TRAK1: variants seen among roughly 807,000 people sequenced by gnomAD.
TRAK1 encodes the protein trafficking kinesin protein 1.
A neutral mutation model predicts 92.1 loss-of-function variants in TRAK1; 33 were observed. That is an observed-to-expected ratio of 0.36 (90% CI 0.27 to 0.48). TRAK1 has a LOEUF of 0.48. Among genes scored for constraint, TRAK1 ranks in the 20% least tolerant of loss-of-function variants. The pLI, the probability that TRAK1 is intolerant of heterozygous loss-of-function variation, is 0.99. For missense variants in TRAK1, 1,123 were observed against 1,257.9 expected (o/e 0.89, Z 1.62); for synonymous variants, 521 against 517.3 (o/e 1.01, Z -0.10).
chr3:42,095,704 T>C (rs1395768150), intron 1 of TRAK1, among the ~76,000 whole-genome samples: 2 of 144,100 alleles, frequency 1.4e-5, no homozygotes, highest in Admixed American at 1.5e-4. Flanking sequence ...ATCCCATTGT[T>C]TGGCTTTATC....
chr3:42,182,493 A>G (rs958059029), intron 3 of TRAK1, among the ~76,000 whole-genome samples: 15 of 151,670 alleles, frequency 9.9e-5, no homozygotes, highest in African/African-American at 3.6e-4. Flanking sequence ...GGGTTTTGCC[A>G]TGTTGGCCAG....
intron 2 of TRAK1, among the ~76,000 whole-genome samples, chr3:42,142,658 T>C (rs1698821964): frequency 2.0e-5 from 3 of 152,220 alleles, no homozygotes; most frequent in South Asian, 2.1e-4. Context: ...GAAACAGCAG[T>C]CATACACATC....
At chr3:42,209,044 G>A (rs1000459820) in intron 13 of TRAK1, among the ~76,000 whole-genome samples, 2 of 152,186 alleles carry the variant, frequency 1.3e-5, no homozygotes, top group Non-Finnish European at 2.9e-5. Flanking sequence ...ATGATGTCAT[G>A]TGAGTCCTGG....
intron 2 of TRAK1, among the ~76,000 whole-genome samples, chr3:42,167,651 C>T (rs1159965281): frequency 3.9e-5 from 6 of 152,118 alleles, no homozygotes; most frequent in African/African-American, 1.2e-4. Context: ...GAGGCCGAGG[C>T]GGGTGGATCA....
rs1710530467 is a variant in TRAK1 at position 42,223,240 on chromosome 3, A to G, written c.2365A>G (p.Thr789Ala). Residue 789 changes from threonine (T) to alanine (A), a missense_variant, in exon 16 of 16, where the codon ACA (threonine) becomes GCA (alanine). Transcript: ENST00000327628. This position sits in a 1 kb window ranked among gnomAD's most constrained non-coding sequence, Gnocchi z 6.1. ...TACTCCGCCGAACTCGCCTATGCAGACACCCACATCCTCCCCACCCTCCTT... is the reference window on the plus strand; with the variant it reads ...TACTCCGCCGAACTCGCCTATGCAGGCACCCACATCCTCCCCACCCTCCTT... ...PSTPPNSPMQ[T>A]PTSSPPSFEF... 1.9e-6 allele frequency: 3 copies of G among 1,614,182 alleles called. No homozygotes were observed. Among genetic ancestry groups the G allele is most frequent in the South Asian group, 2.2e-5 (2 of 91,078 alleles).
At chr3:42,069,057 G>T (rs1294549399) in intron 1 of TRAK1, among the ~76,000 whole-genome samples, 1 of 152,048 alleles carries the variant, frequency 6.6e-6, no homozygotes, top group East Asian at 2.0e-4. Flanking sequence ...AGTTGTGGAG[G>T]CTAGGCATGG....
intron 13 of TRAK1, among the ~76,000 whole-genome samples, chr3:42,209,303 C>CTTA (rs1406840610): frequency 1.3e-5 from 2 of 151,346 alleles, no homozygotes; most frequent in African/African-American, 2.4e-5. Flanking sequence ...TTGACATGAT[C>CTTA]TTATTCTGCC....
At chr3:42,190,795 T>TCCTC (rs914302564) in intron 6 of TRAK1, among the ~76,000 whole-genome samples, 21 of 151,624 alleles carry the variant, frequency 1.4e-4, no homozygotes, top group African/African-American at 2.2e-4. Flanking sequence ...CTCTCTCCCT[T>TCCTC]CCTCCCTCCC....
At chr3:42,134,800 C>G (rs1293244215) in intron 2 of TRAK1, among the ~76,000 whole-genome samples, 1 of 151,648 alleles carries the variant, frequency 6.6e-6, no homozygotes, top group Non-Finnish European at 1.5e-5. Context: ...AGGATGGTCT[C>G]GATCTCCTGA....
intron 2 of TRAK1, among the ~76,000 whole-genome samples, chr3:42,167,459 T>G (rs1341537478): frequency 6.6e-6 from 1 of 152,038 alleles, no homozygotes; most frequent in Non-Finnish European, 1.5e-5. Context: ...GAAATTGTTC[T>G]TTCTTTTTAT....
chr3:42,109,871 A>G (rs1409153289), intron 1 of TRAK1, among the ~76,000 whole-genome samples: 1 of 150,990 alleles, frequency 6.6e-6, no homozygotes, highest in African/African-American at 2.4e-5. Context: ...CAAACACCGC[A>G]TTTTCTCACT....
intron 1 of TRAK1, among the ~76,000 whole-genome samples, chr3:42,039,836 A>G (rs2148900596): frequency 6.6e-6 from 1 of 152,214 alleles, no homozygotes; most frequent in South Asian, 2.1e-4. Flanking sequence ...TTACATTTCC[A>G]CCAGCAGTGT....
chr3:42,112,473 G>A (rs1328898261), intron 1 of TRAK1, among the ~76,000 whole-genome samples: 4 of 150,562 alleles, frequency 2.7e-5, no homozygotes, highest in East Asian at 2.0e-4. Context: ...AGTGGCTCAT[G>A]CCTGTAATCC....
At chr3:42,210,589 C>CT in intron 14 of TRAK1, 1 of 1,054,384 alleles carries the variant, frequency 9.5e-7, no homozygotes, top group Non-Finnish European at 1.1e-6. Context: ...ATGAGATCAT[C>CT]TGTTACCTGT....
upstream of TRAK1, among the ~76,000 whole-genome samples, chr3:42,090,321 C>T (rs1205308636): frequency 1.3e-5 from 2 of 152,222 alleles, no homozygotes; most frequent in Admixed American, 6.5e-5. Context: ...CAGGAAGCAT[C>T]CAGCCTGTTA....
At chr3:42,065,522 G>T (rs1037903170) in intron 1 of TRAK1, among the ~76,000 whole-genome samples, 1 of 152,010 alleles carries the variant, frequency 6.6e-6, no homozygotes, top group African/African-American at 2.4e-5. Context: ...CTCAGCTTGT[G>T]ATTATGTTGC....
chr3:42,129,476 C>A (rs886533963), intron 2 of TRAK1, among the ~76,000 whole-genome samples: 1 of 152,134 alleles, frequency 6.6e-6, no homozygotes, highest in Admixed American at 6.6e-5. Context: ...TTGGCCCTCA[C>A]TTGACTTCCT....
chr3:42,224,329 TTC>T lies in TRAK1; in HGVS notation c.*594_*595del. Reference sequence around the variant, plus strand: ...CTGCTCTGCCTCAGTGGACAGTCGTTTCTTTTTTGAGGTGTGACCTTTTGTTT... The same window carrying T: ...CTGCTCTGCCTCAGTGGACAGTCGTTTTTTTTGAGGTGTGACCTTTTGTTT... On this transcript the variant is annotated 3_prime_UTR_variant, in exon 16 of 16. Coordinates refer to ENST00000327628, the MANE Select transcript of TRAK1 (RefSeq NM_001042646.3). The T allele has an allele frequency of 3.5e-6, 1 of 287,564 alleles. No homozygotes were observed. The highest frequency in any genetic ancestry group is 6.7e-6 in the Non-Finnish European group (1 of 149,972). 17.8% of individuals were successfully genotyped at this position (287,564 alleles called of 1,614,324 possible).
At chr3:42,068,589 A>G (rs1349918628) in intron 1 of TRAK1, among the ~76,000 whole-genome samples, 1 of 152,236 alleles carries the variant, frequency 6.6e-6, no homozygotes, top group Admixed American at 6.5e-5. Flanking sequence ...TGAGGACACA[A>G]CAGTGAACTA....
Sources: allele counts gnomAD v4.1 joint callset (sites outside exome capture counted in the v4.1 genomes callset), GRCh38; gene constraint gnomAD v4.1.1; non-coding constraint Gnocchi (gnomAD v3.1); transcripts MANE v1.5; gene names NCBI Gene and HGNC (gene_info 2026-07-23, HGNC 2026-07-21).